The following CDH26 variants were observed in gnomAD, a reference collection of about 807,000 sequenced individuals.
CDH26 encodes the protein cadherin 26.
A neutral mutation model predicts 90.3 loss-of-function variants in CDH26; 83 were observed. That is an observed-to-expected ratio of 0.92 (90% CI 0.77 to 1.10). The LOEUF (loss-of-function observed/expected upper bound fraction) is 1.10. CDH26 is among the 50% of genes least tolerant of loss of function. CDH26 has a pLI of 0.00. For missense variants in CDH26, 1,013 were observed against 1,037.6 expected (o/e 0.98, Z 0.33); for synonymous variants, 397 against 396.3 (o/e 1.00, Z -0.02).
At chr20:59,969,952 C>A in intron 2 of CDH26, 130 bp from the exon 3 acceptor site, 3 of 1,361,938 alleles carry the variant, frequency 2.2e-6, no homozygotes, top group Middle Eastern at 2.1e-4. Flanking sequence ...GCTTAGGTGG[C>A]TGTTCTGGCG....
At chr20:59,982,826 G>A in intron 4 of CDH26, 97 bp from the exon 5 acceptor site, 1 of 1,393,882 alleles carries the variant, frequency 7.2e-7, no homozygotes, top group Admixed American at 1.9e-5. Flanking sequence ...TCTAGAGGAG[G>A]AGACAGACGT....
chr20:59,973,147 A>G (rs1324204228), intron 4 of CDH26, among the ~76,000 whole-genome samples: 4 of 152,232 alleles, frequency 2.6e-5, no homozygotes, highest in Non-Finnish European at 4.4e-5. Flanking sequence ...ATGAGCAAAC[A>G]GATCACCTAG....
At chr20:59,961,180 C>T (rs751295377) in intron 1 of CDH26, among the ~76,000 whole-genome samples, 35 of 152,176 alleles carry the variant, frequency 2.3e-4, no homozygotes, top group Non-Finnish European at 5.0e-4. Context: ...CCCCATCCTT[C>T]CCTCACTCCT....
In CDH26 at chr20:60,012,795, T is replaced by C. The variant is rs1016907415; in HGVS notation, c.*65T>C. The C allele has an allele frequency of 6.7e-7, 1 of 1,484,614 alleles. No homozygotes were observed. Among genetic ancestry groups the C allele is most frequent in the Non-Finnish European group, 9.3e-7 (1 of 1,080,238 alleles). The allele number at this position is 1,484,614 out of a possible 1,614,324, so 92.0% of individuals were successfully genotyped here. A position where few individuals can be genotyped will look rare whatever the true frequency, so the allele number is the denominator to read the frequency against. ...AAGGGAATCACTATTCAGGGATTTT[T>C]CCCCTTTGCTCTTCTTTTCCCTCCT... On this transcript the variant is annotated 3_prime_UTR_variant, in exon 18 of 18. Coordinates refer to ENST00000348616, the MANE Select transcript of CDH26 (RefSeq NM_177980.4).
chr20:60,021,897 C>CACACACATATATATAT (rs1295572684), intron 7 of CDH26, among the ~76,000 whole-genome samples: 2 of 79,002 alleles, frequency 2.5e-5, no homozygotes, highest in Non-Finnish European at 5.9e-5. Context: ...CACACACACA[C>CACACACATATATATAT]ATATATATAT....
rs997705460 is a variant in CDH26, at chr20:59,987,499, G to A, written c.884G>A (p.Arg295His). ...PEGRASQGVLRLLVQDRDSPF... is the reference protein window; with the variant it reads ...PEGRASQGVLHLLVQDRDSPF... ...GGCCGAGCCAGCCAGGGCGTGTTGC[G>A]TCTCCTGGTTCAAGATCGAGATTCT... Residue 295 changes from arginine (R) to histidine (H), a missense_variant, in exon 8 of 18, where the codon CGT (arginine) becomes CAT (histidine). Arg to His is a conservative substitution (Grantham distance 29, BLOSUM62 0). Coordinates refer to ENST00000348616, the MANE Select transcript of CDH26 (RefSeq NM_177980.4). The A allele has an allele frequency of 6.8e-6, 11 of 1,613,518 alleles. No individual in the cohort carries two copies. Among genetic ancestry groups the A allele is most frequent in the East Asian group, 2.2e-5 (1 of 44,862 alleles).
chr20:60,004,831 C>T (rs1484987713), intron 16 of CDH26, among the ~76,000 whole-genome samples: 1 of 145,648 alleles, frequency 6.9e-6, no homozygotes, highest in African/African-American at 2.5e-5. Flanking sequence ...AGTAAAAATA[C>T]AGCATTACAG....
intron 7 of CDH26, among the ~76,000 whole-genome samples, chr20:60,021,863 C>CACACACACACACACAT (rs1555903606): frequency 9.5e-5 from 6 of 63,364 alleles, no homozygotes; most frequent in Non-Finnish European, 1.5e-4. Flanking sequence ...CACACACACA[C>CACACACACACACACAT]ACACACACAC....
Position 59,987,498 on chromosome 20 carries a change from C to G in CDH26, c.883C>G (p.Arg295Gly). 3 of 1,613,592 alleles carry G rather than the reference C, an allele frequency of 1.9e-6. No individual in the cohort carries two copies. Among genetic ancestry groups the G allele is most frequent in the Non-Finnish European group, 1.7e-6 (2 of 1,179,828 alleles). Residue 295 changes from arginine (R) to glycine (G), a missense_variant, in exon 8 of 18, where the codon CGT becomes GGT. Arg to Gly is a moderately radical substitution (Grantham distance 125, BLOSUM62 -2). Coordinates refer to ENST00000348616, the MANE Select transcript of CDH26 (RefSeq NM_177980.4). ...PEGRASQGVL[R>G]LLVQDRDSPF... ...AGGCCGAGCCAGCCAGGGCGTGTTG[C>G]GTCTCCTGGTTCAAGATCGAGATTC...
chr20:60,024,269 C>A (rs1011228209), intron 7 of CDH26, among the ~76,000 whole-genome samples: 5 of 152,168 alleles, frequency 3.3e-5, no homozygotes, highest in Non-Finnish European at 7.4e-5. Context: ...CTTTGCCCCC[C>A]ACACTGGGTA....
At chr20:60,010,354 C>T (rs2061817242) in intron 17 of CDH26, among the ~76,000 whole-genome samples, 1 of 152,202 alleles carries the variant, frequency 6.6e-6, no homozygotes, top group Non-Finnish European at 1.5e-5. Flanking sequence ...TACATGAGCT[C>T]ACCCTCTCAG....
Position 59,967,961 on chromosome 20 carries a change from T to TTCTA in CDH26, c.70-1003_70-1002insATCT, listed in dbSNP as rs1164626961. On this transcript the variant is annotated intron_variant, in intron 1 of 17. Transcript: ENST00000348616. Reference sequence around the variant, plus strand: ...TTTCTTTCTTTCTTTCTTTCTATCTTTCTTTCTTTCTTTCTTTCTTTCTTT... The same window carrying TTCTA: ...TTTCTTTCTTTCTTTCTTTCTATCTTTCTATCTTTCTTTCTTTCTTTCTTTCTTT... 6.7e-4 allele frequency among the ~76,000 whole-genome samples: 15 copies of TTCTA among 22,336 alleles called. No individual in the cohort carries two copies. The East Asian group carries it at 0.021, about 31-fold the overall frequency. 14.7% of individuals were successfully genotyped at this position (22,336 alleles called of 152,430 possible).
chr20:60,021,127 G>T (rs74473488), intron 7 of CDH26, among the ~76,000 whole-genome samples: 3 of 152,120 alleles, frequency 2.0e-5, no homozygotes, highest in Non-Finnish European at 4.4e-5. Context: ...TTCTTTCTTC[G>T]TGGGGGTCTG....
intron 17 of CDH26, among the ~76,000 whole-genome samples, chr20:60,009,588 A>G (rs2061802852): frequency 6.6e-6 from 1 of 152,058 alleles, no homozygotes; most frequent in Non-Finnish European, 1.5e-5. Flanking sequence ...AGCTTTATTC[A>G]ATGGAAGCTC....
rs185073712 is a variant in CDH26 at position 60,025,927 on chromosome 20, C to T, written c.948-5304C>T. On this transcript the variant is annotated intron_variant, in intron 7 of 8. Transcript: ENST00000370991. Reference sequence around the variant, plus strand: ...TTGCCCCTGATCAAAATGAACCCGGCGTAGTGTTGAATGCTTTCAATCTAC... The same window carrying T: ...TTGCCCCTGATCAAAATGAACCCGGTGTAGTGTTGAATGCTTTCAATCTAC... Among the ~76,000 whole-genome samples, 10 of 152,294 alleles carry T rather than the reference C, an allele frequency of 6.6e-5. No homozygotes were observed. The East Asian group carries it at 9.7e-4, about 15-fold the overall frequency.
At chr20:59,974,559 T>TG (rs897875748) in intron 4 of CDH26, among the ~76,000 whole-genome samples, 1 of 152,046 alleles carries the variant, frequency 6.6e-6, no homozygotes, top group Non-Finnish European at 1.5e-5. Flanking sequence ...CAGTGTGGGG[T>TG]GGGGGGAAAC....
In CDH26 at chr20:59,995,861, A is replaced by T. The variant is rs2061587243; in HGVS notation, c.1695A>T (p.Arg565Ser). Residue 565 changes from arginine (R) to serine (S), a missense_variant, in exon 12 of 18, where the codon AGA (arginine) becomes AGT (serine). Transcript: ENST00000348616. ...AATCAGTTGAACTTTTAACCTTGAG[A>T]AGCCTGCCACGTGGTAATTACTTGG... ...WGQSVELLTLRSLPRGNYLVP... is the reference protein window; with the variant it reads ...WGQSVELLTLSSLPRGNYLVP... The T allele has an allele frequency of 6.2e-7, 1 of 1,614,108 alleles. No individual in the cohort carries two copies. The highest frequency in any genetic ancestry group is 1.3e-5 in the African/African-American group (1 of 74,938).
chr20:59,981,062 T>C (rs1390893530), intron 4 of CDH26, among the ~76,000 whole-genome samples: 3 of 152,184 alleles, frequency 2.0e-5, no homozygotes, highest in Non-Finnish European at 4.4e-5. Flanking sequence ...GGCCTATTTC[T>C]AAACTCTCTA....
chr20:59,979,757 G>T (rs1372500654), intron 4 of CDH26, among the ~76,000 whole-genome samples: 1 of 151,348 alleles, frequency 6.6e-6, no homozygotes, highest in Non-Finnish European at 1.5e-5. Flanking sequence ...CTCCTGAGCA[G>T]CTGGGATTAC....
Sources: gnomAD v4.1 joint callset for allele counts (sites outside exome capture counted in the v4.1 genomes callset) on GRCh38, gnomAD v4.1.1 for gene constraint, MANE v1.5 for transcripts, NCBI Gene and HGNC (gene_info 2026-07-23, HGNC 2026-07-21) for gene names.